The following LRIF1 variants were observed in gnomAD, a reference collection of about 807,000 sequenced individuals.
The protein encoded by LRIF1 is ligand dependent nuclear receptor interacting factor 1, also known as ligand-dependent nuclear receptor-interacting factor 1.
Under a neutral mutation model 52.7 loss-of-function variants are expected in LRIF1, and 32 were observed. That is an observed-to-expected ratio of 0.61 (90% confidence interval 0.46 to 0.82). LRIF1 has a LOEUF of 0.82. LRIF1 is among the 40% of genes least tolerant of loss of function. The pLI is 0.00. For missense variants in LRIF1, 887 were observed against 892.0 expected, an observed-to-expected ratio of 0.99 and a Z score of 0.07; for synonymous variants, 323 against 317.4, an observed-to-expected ratio of 1.02 and a Z score of -0.19.
intron 2 of LRIF1, 39 bp from the exon 3 acceptor site, chr1:110,950,162 A>G (rs1658405061): frequency 1.9e-6 from 3 of 1,557,958 alleles, no homozygotes; most frequent in East Asian, 4.5e-5. Context: ...CAATACTGCT[A>G]ATTATTCAAG....
the LRIF1 span, chr1:110,937,579 C>G: frequency 6.6e-6 from 1 of 151,834 alleles, no homozygotes; most frequent in Admixed American, 6.6e-5. Context: ...ACAACAAAGG[C>G]AGTACTAAGA....
intron 2 of LRIF1, 27 bp from the exon 3 acceptor site, chr1:110,950,150 A>C: frequency 4.4e-6 from 7 of 1,582,328 alleles, no homozygotes; most frequent in Non-Finnish European, 6.0e-6. Flanking sequence ...AAAACACACA[A>C]ACAATACTGC....
At chr1:110,951,054 T>C (rs1658450454) in intron 2 of LRIF1, among the ~76,000 whole-genome samples, 1 of 152,200 alleles carries the variant, frequency 6.6e-6, no homozygotes, top group South Asian at 2.1e-4. Flanking sequence ...AGATTTGGCA[T>C]GCCAAGTGAT....
the LRIF1 span, among the ~76,000 whole-genome samples, chr1:110,932,162 A>G: frequency 1.4e-4 from 22 of 152,332 alleles, no homozygotes; most frequent in African/African-American, 5.3e-4. Flanking sequence ...ATTTTTGAAT[A>G]CGGTGTAAGT....
intron 1 of LRIF1, among the ~76,000 whole-genome samples, chr1:110,958,209 C>T (rs1557842983): frequency 6.6e-6 from 1 of 152,156 alleles, no homozygotes. Context: ...TCTGCTCTTA[C>T]CAGAGAGATC....
the LRIF1 span, among the ~76,000 whole-genome samples, chr1:110,902,495 TA>T: frequency 0.024 from 1,765 of 72,684 alleles, 16 homozygotes; most frequent in African/African-American, 0.038. Flanking sequence ...AATCAATCAC[TA>T]AAAAAAAAAA....
chr1:110,896,481 T>C, the LRIF1 span, among the ~76,000 whole-genome samples: 1 of 152,128 alleles, frequency 6.6e-6, no homozygotes, highest in Admixed American at 6.5e-5. Context: ...GTGAATGAAA[T>C]GGTATAACAG....
At chr1:110,891,625 T>C in the LRIF1 span, among the ~76,000 whole-genome samples, 377 of 152,232 alleles carry the variant, frequency 2.5e-3, 1 homozygote, top group African/African-American at 8.7e-3. Flanking sequence ...TAATAATTTT[T>C]CCCCTCTTCC....
In LRIF1 at chr1:110,951,392, C is replaced by T; in HGVS notation, c.1492G>A (p.Ala498Thr). The T allele has an allele frequency of 6.2e-7, 1 of 1,614,144 alleles. No homozygotes were observed. The highest frequency in any genetic ancestry group is 1.1e-5 in the South Asian group (1 of 91,084). ...CTCTGGAGGACACTTCCTTTTCTAG[C>T]ATAAATGACGGCTGTTACTTTTCTG... ...APRKVTAVIYARKGSVLQSIE... is the reference protein window; with the variant it reads ...APRKVTAVIYTRKGSVLQSIE... The change falls in exon 2 of 4, where the codon GCT becomes ACT. Residue 498 changes from alanine to threonine, a missense_variant. Coordinates refer to ENST00000369763, the MANE Select transcript of LRIF1 (RefSeq NM_018372.4).
At chr1:110,960,711 T>C (rs1019914421) in intron 1 of LRIF1, among the ~76,000 whole-genome samples, 31 of 152,218 alleles carry the variant, frequency 2.0e-4, no homozygotes, top group African/African-American at 7.0e-4. Context: ...GGCATCATAA[T>C]TGATCCCCCT....
chr1:110,951,173 T>C (rs1035919295), intron 2 of LRIF1, 115 bp downstream of exon 2: 1 of 817,042 alleles, frequency 1.2e-6, no homozygotes, highest in African/African-American at 1.7e-5. Flanking sequence ...GTATAGTCTG[T>C]GTGTGATGGG....
Position 110,952,187 on chromosome 1 carries a change from A to T in LRIF1, c.697T>A (p.Ser233Thr), listed in dbSNP as rs773279595. 1 of 1,614,188 alleles carries T rather than the reference A, an allele frequency of 6.2e-7. No individual in the cohort carries two copies. The highest frequency in any genetic ancestry group is 8.5e-7 in the Non-Finnish European group (1 of 1,180,016). ...ACATTTTTCACTGTATTTACAGGAGATACATAAATAACGGTTGGCATTTGG... is the reference window on the plus strand; with the variant it reads ...ACATTTTTCACTGTATTTACAGGAGTTACATAAATAACGGTTGGCATTTGG... The part of the protein sequence containing the change: ...ASQMPTVIYV[S>T]PVNTVKNVVT... Residue 233 changes from serine (S) to threonine (T), a missense_variant, in exon 2 of 4, where the codon TCT (serine) becomes ACT (threonine). Transcript: ENST00000369763.
At chr1:110,943,772 G>A (rs1289514792), downstream of LRIF1, 4 of 152,110 alleles carry the variant, frequency 2.6e-5, no homozygotes, top group Non-Finnish European at 5.9e-5. Flanking sequence ...TTCCCCTGCT[G>A]GGAAAGTTAT....
the LRIF1 span, among the ~76,000 whole-genome samples, chr1:110,927,986 A>G: frequency 6.6e-6 from 1 of 152,164 alleles, no homozygotes; most frequent in African/African-American, 2.4e-5. Context: ...ATGTGTAGAA[A>G]ATCCTTGATC....
downstream of LRIF1, among the ~76,000 whole-genome samples, chr1:110,946,909 G>A (rs946144369): frequency 3.3e-5 from 5 of 151,852 alleles, no homozygotes; most frequent in African/African-American, 9.7e-5. Context: ...CGCCCGCCTC[G>A]GCCTCCCAAA....
In LRIF1 at chr1:110,951,449, G is replaced by T. The variant is rs754488729; in HGVS notation, c.1435C>A (p.Pro479Thr). ...TTGTGTCCTGTACTAAATCCAACTG[G>T]AAAGATTGGATTTGTGAATAAAGTC... Reference protein sequence around the residue: ...SKTLFTNPIFPVGFSTGHNAP... With the variant: ...SKTLFTNPIFTVGFSTGHNAP... Residue 479 changes from proline (P) to threonine (T), a missense_variant, in exon 2 of 4, where the codon CCA becomes ACA. By Grantham distance (38) the Pro-to-Thr change is conservative (BLOSUM62 -1). Transcript: ENST00000369763. 2.4e-5 allele frequency: 38 copies of T among 1,613,968 alleles called. No homozygotes were observed. The highest frequency in any genetic ancestry group is 3.1e-5 in the Non-Finnish European group (36 of 1,180,004).
chr1:110,959,043 T>C (rs1418449082), intron 1 of LRIF1, among the ~76,000 whole-genome samples: 1 of 152,188 alleles, frequency 6.6e-6, no homozygotes, highest in African/African-American at 2.4e-5. Context: ...AAGATTCTGT[T>C]TTCTGAAAGA....
At chr1:110,895,019 T>C in the LRIF1 span, 2 of 1,613,976 alleles carry the variant, frequency 1.2e-6, no homozygotes, top group African/African-American at 1.3e-5. Flanking sequence ...ACTCAGACAA[T>C]AGCACCAAGG....
intron 1 of LRIF1, among the ~76,000 whole-genome samples, chr1:110,955,140 C>T (rs1430634175): frequency 6.6e-6 from 1 of 152,188 alleles, no homozygotes; most frequent in African/African-American, 2.4e-5. Context: ...TCCTAATCCC[C>T]CCAAGTTCCA....
Sources: gnomAD v4.1 joint callset for allele counts (sites outside exome capture counted in the v4.1 genomes callset) on GRCh38, gnomAD v4.1.1 for gene constraint, MANE v1.5 for transcripts, NCBI Gene and HGNC (gene_info 2026-07-23, HGNC 2026-07-21) for gene names.